The following SLX4IP variants were observed in gnomAD, a reference collection of about 807,000 sequenced individuals.
SLX4IP encodes protein SLX4IP.
Under a neutral mutation model 32.9 loss-of-function variants are expected in SLX4IP, and 34 were observed. That is an observed-to-expected ratio of 1.03 (90% CI 0.79 to 1.38). The LOEUF is 1.38. Ranked by LOEUF, SLX4IP falls within the 40% of genes most tolerant of loss-of-function variation. The pLI is 0.00. For missense variants in SLX4IP, 444 were observed against 479.0 expected, an observed-to-expected ratio of 0.93 and a Z score of 0.68; for synonymous variants, 172 against 171.7, an observed-to-expected ratio of 1.00 and a Z score of -0.01.
At chr20:10,452,118 G>A (rs6032881) in intron 1 of SLX4IP, among the ~76,000 whole-genome samples, 67,248 of 152,028 alleles carry the variant, frequency 0.44, 16,041 homozygotes, top group Non-Finnish European at 0.54. Context: ...AAATTTCAAC[G>A]GGCAAATAGT....
chr20:10,482,648 C>A (rs937868284), intron 2 of SLX4IP, among the ~76,000 whole-genome samples: 2 of 152,186 alleles, frequency 1.3e-5, no homozygotes, highest in South Asian at 4.1e-4. Flanking sequence ...GTGAGATCCT[C>A]TGCCATGGGA....
intron 6 of SLX4IP, among the ~76,000 whole-genome samples, chr20:10,615,853 T>C (rs1035468930): frequency 1.3e-5 from 2 of 152,160 alleles, no homozygotes; most frequent in Admixed American, 6.5e-5. Context: ...CCCCACAAAG[T>C]GGAAGGACAA....
chr20:10,461,882 G>C (rs2065341012), intron 2 of SLX4IP, among the ~76,000 whole-genome samples: 1 of 152,102 alleles, frequency 6.6e-6, no homozygotes, highest in South Asian at 2.1e-4. Flanking sequence ...GGCTTAAGCA[G>C]TCCTCCTGCC....
chr20:10,465,939 C>T (rs1430267235), intron 2 of SLX4IP, among the ~76,000 whole-genome samples: 1 of 152,218 alleles, frequency 6.6e-6, no homozygotes, highest in Non-Finnish European at 1.5e-5. Context: ...ACTCCTACCT[C>T]CTGGTACCTT....
intron 2 of SLX4IP, among the ~76,000 whole-genome samples, chr20:10,508,650 G>A (rs931378354): frequency 2.0e-5 from 3 of 152,152 alleles, no homozygotes; most frequent in African/African-American, 7.2e-5. Context: ...TGCAGAGTAT[G>A]TTGCTTTAGA....
rs549071196 is a variant in SLX4IP, at chr20:10,437,638, T to A, written c.-30+2185T>A. On this transcript the variant is annotated intron_variant, in intron 1 of 7. Coordinates refer to ENST00000334534, the MANE Select transcript of SLX4IP (RefSeq NM_001009608.3). ...TCCTAAGAAAGTTGTCCAGCCTTTC[T>A]GCTTCTCCTCCCTCCATCTATTAAT... 2.0e-5 allele frequency among the ~76,000 whole-genome samples: 3 copies of A among 152,360 alleles called. No homozygotes were observed. The East Asian group carries it at 5.8e-4, about 29-fold the overall frequency.
At chr20:10,473,834 T>G (rs530492991) in intron 2 of SLX4IP, among the ~76,000 whole-genome samples, 36 of 151,958 alleles carry the variant, frequency 2.4e-4, no homozygotes, top group African/African-American at 8.4e-4. Flanking sequence ...GGTCTTCTTT[T>G]TTTTTTTGAA....
chr20:10,451,305 C>T (rs1410110716), intron 1 of SLX4IP, among the ~76,000 whole-genome samples: 1 of 151,922 alleles, frequency 6.6e-6, no homozygotes, highest in Non-Finnish European at 1.5e-5. Flanking sequence ...GGATTACAGG[C>T]GCCCACCACC....
At chr20:10,454,947 G>A (rs562314262) in intron 1 of SLX4IP, among the ~76,000 whole-genome samples, 5 of 152,100 alleles carry the variant, frequency 3.3e-5, no homozygotes, top group African/African-American at 1.2e-4. Flanking sequence ...TATCTTAATG[G>A]GTATAAAGTA....
At position 10,475,046 on chromosome 20, in the gene SLX4IP, T is replaced by C. The variant is rs143030199; in HGVS notation, c.27+16815T>C. 6.8e-3 allele frequency among the ~76,000 whole-genome samples: 1,034 copies of C among 152,318 alleles called. 13 individuals carry two copies. The highest frequency in any genetic ancestry group is 0.023 in the African/African-American group (947 of 41,574). The stretch of plus-strand genomic sequence containing the variant: ...TGGAGCCGCTCAAGTAAAGCTGCTC[T>C]TCATTGGGAATATTATCTGCCAAGG... On this transcript the variant is annotated intron_variant, in intron 2 of 7. Coordinates refer to ENST00000334534, the MANE Select transcript of SLX4IP (RefSeq NM_001009608.3).
rs552525086 is a variant in SLX4IP at position 10,504,952 on chromosome 20, G to A, written c.27+46721G>A. On this transcript the variant is annotated intron_variant, in intron 2 of 7. Transcript: ENST00000334534. ...AACTGTAGGAGGAAAAAAAGATAAT[G>A]CCAGGAAAAAAAAAAATTTAATGAA... Among the ~76,000 whole-genome samples, 1,239 of 151,138 alleles carry A rather than the reference G, an allele frequency of 8.2e-3. 7 individuals carry two copies. Among genetic ancestry groups the A allele is most frequent in the Non-Finnish European group, 0.012 (795 of 67,852 alleles).
chr20:10,458,133 G>T, intron 1 of SLX4IP, 43 bp from the exon 2 acceptor site: 1 of 1,325,654 alleles, frequency 7.5e-7, no homozygotes, highest in South Asian at 1.5e-5. Context: ...CAAATAAAAA[G>T]AAATTTTAAT....
At chr20:10,601,424 T>C (rs2066840133) in intron 5 of SLX4IP, among the ~76,000 whole-genome samples, 1 of 152,220 alleles carries the variant, frequency 6.6e-6, no homozygotes, top group African/African-American at 2.4e-5. Flanking sequence ...AAATAGGAGT[T>C]CTAATCAGAA....
At chr20:10,521,044 CATT>C (rs1229057991) in intron 2 of SLX4IP, among the ~76,000 whole-genome samples, 2 of 152,108 alleles carry the variant, frequency 1.3e-5, no homozygotes, top group African/African-American at 2.4e-5. Flanking sequence ...ATTGTGTTTT[CATT>C]ATTATGATGA....
At chr20:10,531,125 C>T (rs978550920) in intron 2 of SLX4IP, among the ~76,000 whole-genome samples, 4 of 152,216 alleles carry the variant, frequency 2.6e-5, no homozygotes, top group African/African-American at 9.6e-5. Flanking sequence ...AGGCTTGCAG[C>T]ATTGACTCCT....
Position 10,623,169 on chromosome 20 carries a change from G to T in SLX4IP, c.1017G>T (p.Leu339Phe), listed in dbSNP as rs2067135481. The T allele has an allele frequency of 6.2e-7, 1 of 1,614,216 alleles. No homozygotes were observed. The stretch of plus-strand genomic sequence containing the variant: ...TCAGGGTTTTGCCAGCTTCAGAGTT[G>T]TCAGATCCAGGGTTACTTTTGAAAC... ...KAVRVLPASE[L>F]SDPGLLLKQD... is the part of the protein sequence containing the mutation. Residue 339 changes from leucine (L) to phenylalanine (F), a missense_variant, in exon 8 of 8, where the codon TTG (leucine) becomes TTT (phenylalanine). Transcript: ENST00000334534.
chr20:10,570,194 T>C (rs2066445416), intron 4 of SLX4IP, among the ~76,000 whole-genome samples: 1 of 152,166 alleles, frequency 6.6e-6, no homozygotes, highest in Admixed American at 6.5e-5. Context: ...TACAAATTTC[T>C]ACTCACCCAG....
chr20:10,444,738 G>A (rs1360275967), intron 1 of SLX4IP, among the ~76,000 whole-genome samples: 2 of 152,114 alleles, frequency 1.3e-5, no homozygotes, highest in African/African-American at 4.8e-5. Flanking sequence ...AGGTAGAGAG[G>A]CTGGGGAGCT....
chr20:10,451,764 C>G (rs1256229246), intron 1 of SLX4IP, among the ~76,000 whole-genome samples: 9 of 151,148 alleles, frequency 6.0e-5, no homozygotes, highest in African/African-American at 1.9e-4. Context: ...GTCAGGAGTT[C>G]GAGAACAGCT....
Sources: gnomAD v4.1 joint callset for allele counts (sites outside exome capture counted in the v4.1 genomes callset) on GRCh38, gnomAD v4.1.1 for gene constraint, MANE v1.5 for transcripts, NCBI Gene and HGNC (gene_info 2026-07-23, HGNC 2026-07-21) for gene names.